The following WDR76 variants were observed in gnomAD, a reference collection of about 807,000 sequenced individuals.
WDR76 encodes WD repeat-containing protein 76.
WDR76 carries 52 observed loss-of-function variants against 70.2 expected under a neutral mutation model. The ratio of observed to expected loss-of-function variants is 0.74; its 90% CI spans 0.59 to 0.93. The LOEUF is 0.93. WDR76 is among the 40% of genes least tolerant of loss of function. The pLI is 0.00. For synonymous variants in WDR76, 292 were observed against 271.1 expected (o/e 1.08, Z -0.76); for missense variants, 756 against 760.2 (o/e 0.99, Z 0.07).
At chr15:43,851,918 T>G (rs2087864612) in intron 9 of WDR76, among the ~76,000 whole-genome samples, 1 of 152,028 alleles carries the variant, frequency 6.6e-6, no homozygotes, top group African/African-American at 2.4e-5. Context: ...AAAAATTAGC[T>G]TGGTGTGGTG....
intron 9 of WDR76, among the ~76,000 whole-genome samples, chr15:43,856,356 GAGT>G (rs2087926963): frequency 6.6e-6 from 1 of 152,176 alleles, no homozygotes; most frequent in African/African-American, 2.4e-5. Flanking sequence ...CTTCTACTGA[GAGT>G]AGGTGAGCAT....
At chr15:43,829,077 T>G in intron 2 of WDR76, among the ~76,000 whole-genome samples, 1 of 147,014 alleles carries the variant, frequency 6.8e-6, no homozygotes, top group East Asian at 1.9e-4. Flanking sequence ...TAATTTTGTG[T>G]TTTTAGTAGA....
intron 9 of WDR76, among the ~76,000 whole-genome samples, chr15:43,854,269 T>G (rs1298596654): frequency 6.6e-6 from 1 of 152,136 alleles, no homozygotes; most frequent in African/African-American, 2.4e-5. Context: ...AAGCATTATT[T>G]GCAATAATAC....
rs747797196 is a variant in WDR76 at position 43,866,425 on chromosome 15, T to C, written c.*33T>C. On this transcript the variant is annotated 3_prime_UTR_variant, in exon 13 of 13. Coordinates refer to ENST00000263795, the MANE Select transcript of WDR76 (RefSeq NM_024908.4). ...GTTTAGGAACATCAATTTGTTCAAA[T>C]TGACCACTGTCTAAGGAGCCTAGTA... The C allele has an allele frequency of 5.0e-6, 8 of 1,610,176 alleles. No homozygotes were observed. The highest frequency in any genetic ancestry group is 2.2e-5 in the East Asian group (1 of 44,774).
chr15:43,828,723 C>T (rs555860150), intron 2 of WDR76, among the ~76,000 whole-genome samples: 10 of 152,082 alleles, frequency 6.6e-5, no homozygotes, highest in Non-Finnish European at 1.2e-4. Flanking sequence ...GTTTGTGGGA[C>T]ATGGTATTGA....
At chr15:43,836,431 T>C (rs988915379) in intron 4 of WDR76, among the ~76,000 whole-genome samples, 11 of 152,310 alleles carry the variant, frequency 7.2e-5, no homozygotes, top group Non-Finnish European at 8.8e-5. Context: ...GAGAGCTGAA[T>C]TTTGTTTATA....
intron 4 of WDR76, among the ~76,000 whole-genome samples, chr15:43,839,158 T>G (rs2087692255): frequency 6.6e-6 from 1 of 152,206 alleles, no homozygotes; most frequent in South Asian, 2.1e-4. Context: ...CGTTTTAAGT[T>G]TCCTTCCTAT....
chr15:43,851,325 C>T (rs2087857234), intron 9 of WDR76, 80 bp downstream of exon 9: 1 of 1,551,262 alleles, frequency 6.4e-7, no homozygotes, highest in South Asian at 1.2e-5. Flanking sequence ...ATTATTATAC[C>T]AATTGGGAGA....
intron 8 of WDR76, among the ~76,000 whole-genome samples, chr15:43,847,735 T>C (rs1482432432): frequency 6.6e-6 from 1 of 152,118 alleles, no homozygotes; most frequent in African/African-American, 2.4e-5. Context: ...TTTTGTATTT[T>C]TTGTAGAGAT....
At chr15:43,849,098 C>T (rs1364171086) in intron 8 of WDR76, among the ~76,000 whole-genome samples, 3 of 150,238 alleles carry the variant, frequency 2.0e-5, no homozygotes, top group Non-Finnish European at 4.4e-5. Context: ...TCGCTTGAAC[C>T]TGGGAGGTGG....
At chr15:43,855,186 G>A (rs1166055573) in intron 9 of WDR76, among the ~76,000 whole-genome samples, 1 of 152,254 alleles carries the variant, frequency 6.6e-6, no homozygotes, top group South Asian at 2.1e-4. Context: ...GCATATATTC[G>A]TAATTTGTTT....
chr15:43,860,396 C>CTT lies in WDR76; in HGVS notation c.1563-935_1563-934dup, dbSNP rs201960480. ...GATTTGTACATTTTCAGGCCACATC[C>CTT]TTTATGTCCCATATTTTTGTGAATT... On this transcript the variant is annotated intron_variant, in intron 11 of 12. Coordinates refer to ENST00000263795, the MANE Select transcript of WDR76 (RefSeq NM_024908.4). Among the ~76,000 whole-genome samples the CTT allele has an allele frequency of 5.0e-3, 764 of 152,368 alleles. 8 individuals are homozygous for CTT. Among genetic ancestry groups the CTT allele is most frequent in the African/African-American group, 0.018 (730 of 41,588 alleles).
chr15:43,842,710 A>G (rs2087740988), intron 7 of WDR76, 39 bp downstream of exon 7: 4 of 1,576,926 alleles, frequency 2.5e-6, no homozygotes, highest in African/African-American at 1.4e-5. Flanking sequence ...ATATTTTTTG[A>G]GATGTTTGAG....
intron 2 of WDR76, among the ~76,000 whole-genome samples, chr15:43,833,179 T>G (rs1192327942): frequency 6.6e-6 from 1 of 152,108 alleles, no homozygotes; most frequent in South Asian, 2.1e-4. Flanking sequence ...ACTATTATTT[T>G]TTAGAGATGG....
At chr15:43,837,061 A>AAAAAC (rs1434869484) in intron 4 of WDR76, among the ~76,000 whole-genome samples, 1 of 151,894 alleles carries the variant, frequency 6.6e-6, no homozygotes, top group African/African-American at 2.4e-5. Context: ...AAAAAACAAA[A>AAAAAC]AAAAACAACT....
intron 8 of WDR76, among the ~76,000 whole-genome samples, chr15:43,844,666 T>C (rs1047344838): frequency 4.6e-5 from 7 of 150,750 alleles, no homozygotes; most frequent in Admixed American, 2.6e-4. Flanking sequence ...TCCCAGCACT[T>C]TGGGAGGCCG....
intron 10 of WDR76, chr15:43,857,567 C>T: frequency 1.0e-6 from 1 of 982,368 alleles, no homozygotes; most frequent in Non-Finnish European, 1.2e-6. Context: ...TGCCTGTAAT[C>T]CCAGCCCTTT....
chr15:43,839,839 A>G, intron 5 of WDR76, 111 bp downstream of exon 5: 5 of 1,259,752 alleles, frequency 4.0e-6, no homozygotes, highest in Non-Finnish European at 5.3e-6. Context: ...ATATTTCATT[A>G]ATACTTGAAT....
intron 8 of WDR76, among the ~76,000 whole-genome samples, chr15:43,848,247 GAAAA>G (rs1403836248): frequency 6.6e-6 from 1 of 151,490 alleles, no homozygotes; most frequent in Non-Finnish European, 1.5e-5. Flanking sequence ...CTCAAAAAAA[GAAAA>G]AAAATTCACT....
Sources: gnomAD v4.1 joint callset for allele counts (sites outside exome capture counted in the v4.1 genomes callset) on GRCh38, gnomAD v4.1.1 for gene constraint, MANE v1.5 for transcripts, NCBI Gene and HGNC (gene_info 2026-07-23, HGNC 2026-07-21) for gene names.